VPS26C: variants seen among roughly 807,000 people sequenced by gnomAD.
VPS26C encodes the protein VPS26 endosomal protein sorting factor C.
Under a neutral mutation model 30.6 loss-of-function variants are expected in VPS26C, and 19 were observed. The ratio of observed to expected loss-of-function variants is 0.62; its 90% CI spans 0.43 to 0.91. The LOEUF is 0.91. VPS26C is among the 40% of genes least tolerant of loss of function. The pLI, the probability that VPS26C is intolerant of heterozygous loss-of-function variation, is 0.00. For synonymous variants in VPS26C, 132 were observed against 151.5 expected (o/e 0.87, Z 0.95); for missense variants, 318 against 385.1 (o/e 0.83, Z 1.46).
chr21:37,265,363 G>A (rs984640870), intron 1 of VPS26C, among the ~76,000 whole-genome samples: 1 of 152,184 alleles, frequency 6.6e-6, no homozygotes, highest in Non-Finnish European at 1.5e-5. Flanking sequence ...GCAATTGTTA[G>A]TATTTTGCCA....
rs1160487776 is a variant in VPS26C, at chr21:37,262,731, CTT to C, written c.57+4505_57+4506del. ...CAGGGAGTCAGGAAGAGTAAGGAGA[CTT>C]CACTTTTCATTTTACCTTCTTCTGT... On this transcript the variant is annotated intron_variant, in intron 1 of 7. Transcript: ENST00000309117. Among the ~76,000 whole-genome samples the C allele has an allele frequency of 2.0e-5, 3 of 151,612 alleles. No homozygotes were observed. In the East Asian group the frequency reaches 5.8e-4, roughly 29 times the overall value.
At chr21:37,238,988 C>A (rs1018943589) in intron 2 of VPS26C, among the ~76,000 whole-genome samples, 1 of 152,164 alleles carries the variant, frequency 6.6e-6, no homozygotes, top group African/African-American at 2.4e-5. Context: ...ACGGCTCCCC[C>A]TCACCGAGCC....
intron 1 of VPS26C, chr21:37,266,676 T>C (rs1445458901): frequency 6.5e-6 from 1 of 153,056 alleles, no homozygotes; most frequent in Non-Finnish European, 1.5e-5. Flanking sequence ...TGCATTTTAA[T>C]AGCCATTCCT....
At chr21:37,253,727 G>C (rs993704358) in intron 1 of VPS26C, among the ~76,000 whole-genome samples, 1 of 152,060 alleles carries the variant, frequency 6.6e-6, no homozygotes, top group Non-Finnish European at 1.5e-5. Flanking sequence ...CAATAGGATG[G>C]AGCATCCCTA....
intron 2 of VPS26C, 44 bp from the exon 3 acceptor site, chr21:37,238,653 A>G: frequency 6.2e-7 from 1 of 1,603,620 alleles, no homozygotes. Flanking sequence ...ACACTTGGAA[A>G]TGTCCTTTCC....
upstream of VPS26C, chr21:37,267,363 C>A (rs1284462064): frequency 5.6e-6 from 8 of 1,435,042 alleles, no homozygotes; most frequent in African/African-American, 5.8e-5. Flanking sequence ...GGCGCCTCCC[C>A]GCTTCGTTCT....
At position 37,232,154 on chromosome 21, in the gene VPS26C, G is replaced by A. The variant is rs2085971574; in HGVS notation, c.507+223C>T. Among the ~76,000 whole-genome samples the A allele has an allele frequency of 2.6e-5, 4 of 152,308 alleles. No homozygotes were observed. The South Asian group carries it at 8.3e-4, about 32-fold the overall frequency. On this transcript the variant is annotated intron_variant, in intron 5 of 7. Coordinates refer to ENST00000309117, the MANE Select transcript of VPS26C (RefSeq NM_006052.2). ...GAAAATGGTGAGATTAATAGACATG[G>A]ACCCTCCCTGAGGAACTTTTCAAAA...
At chr21:37,227,361 C>T (rs1170613486) in intron 7 of VPS26C, 1 of 379,738 alleles carries the variant, frequency 2.6e-6, no homozygotes, top group East Asian at 4.6e-5. Flanking sequence ...CTCAGCGTCA[C>T]CTGCCCATGT....
intron 1 of VPS26C, among the ~76,000 whole-genome samples, chr21:37,243,742 C>A (rs1192462764): frequency 6.6e-6 from 1 of 152,144 alleles, no homozygotes; most frequent in Non-Finnish European, 1.5e-5. Context: ...ACAGCCCGCA[C>A]CCTAGAGCTT....
Position 37,267,313 on chromosome 21 carries a change from G to T in VPS26C, c.-19C>A, listed in dbSNP as rs1230225573. The T allele has an allele frequency of 7.5e-6, 12 of 1,594,516 alleles. No individual in the cohort carries two copies. Among genetic ancestry groups the T allele is most frequent in the Non-Finnish European group, 1.0e-5 (12 of 1,167,662 alleles). ...TCCCCATCTCCAATTCTCCGCAGCA[G>T]CCGCCACTTCCGGCTGCGCGTGACC... On this transcript the variant is annotated 5_prime_UTR_variant, in exon 1 of 8. It adds an upstream start codon to the 5' untranslated region. Coordinates refer to ENST00000309117, the MANE Select transcript of VPS26C (RefSeq NM_006052.2).
chr21:37,228,511 G>T, intron 5 of VPS26C, 138 bp from the exon 6 acceptor site: 1 of 889,732 alleles, frequency 1.1e-6, no homozygotes, highest in Non-Finnish European at 1.7e-6. Context: ...AAAACGGGAA[G>T]AAAGGAGCGA....
intron 1 of VPS26C, among the ~76,000 whole-genome samples, chr21:37,249,675 A>C (rs1372927223): frequency 2.6e-5 from 4 of 152,230 alleles, no homozygotes; most frequent in African/African-American, 9.6e-5. Context: ...AAAGAAAATA[A>C]CACCACAATT....
chr21:37,255,046 C>G (rs1478787548), intron 1 of VPS26C, among the ~76,000 whole-genome samples: 1 of 152,076 alleles, frequency 6.6e-6, no homozygotes, highest in African/African-American at 2.4e-5. Context: ...AGAAGACATT[C>G]TTTTGTATTA....
intron 1 of VPS26C, among the ~76,000 whole-genome samples, chr21:37,245,765 A>G (rs1357014940): frequency 1.3e-5 from 2 of 152,302 alleles, no homozygotes; most frequent in Admixed American, 1.3e-4. Context: ...GTGAATGTGC[A>G]TTTCACCATG....
chr21:37,233,632 GT>G lies in VPS26C; in HGVS notation c.352-191del, dbSNP rs1344894297. 6.6e-6 allele frequency among the ~76,000 whole-genome samples: 1 copy of G among 152,178 alleles called. No individual in the cohort carries two copies. Among genetic ancestry groups the G allele is most frequent in the Non-Finnish European group, 1.5e-5 (1 of 68,034 alleles). On this transcript the variant is annotated intron_variant, in intron 3 of 7. Coordinates refer to ENST00000309117, the MANE Select transcript of VPS26C (RefSeq NM_006052.2). This position sits in a 1 kb window ranked among gnomAD's most constrained non-coding sequence, Gnocchi z 5.2. ...TAATGTTCAAAATAAAGGCATTTCT[GT>G]TTTAAAAATGAACCACTTTAAGGTT...
chr21:37,223,509 G>A lies in VPS26C; in HGVS notation c.*2035C>T, dbSNP rs1464372560. On this transcript the variant is annotated 3_prime_UTR_variant, in exon 8 of 8. Transcript: ENST00000309117. ...AAATTGTCATTAGCTTTTTAAATTC[G>A]TTAAATATTTTCATCTCATTAAAAA... is the stretch of plus-strand genomic sequence containing the variant. The A allele has an allele frequency of 2.0e-5, 3 of 152,152 alleles. No individual in the cohort carries two copies. Among genetic ancestry groups the A allele is most frequent in the East Asian group, 1.9e-4 (1 of 5,204 alleles). 9.4% of individuals were successfully genotyped at this position (152,152 alleles called of 1,614,324 possible). A position where few individuals can be genotyped will look rare whatever the true frequency, so the allele number is the denominator to read the frequency against.
intron 1 of VPS26C, among the ~76,000 whole-genome samples, chr21:37,244,388 C>A (rs768330523): frequency 1.1e-4 from 16 of 152,230 alleles, no homozygotes; most frequent in Non-Finnish European, 1.6e-4. Flanking sequence ...CAGGCATGCA[C>A]CACCACACCC....
intron 1 of VPS26C, among the ~76,000 whole-genome samples, chr21:37,242,109 T>C (rs1227329302): frequency 2.0e-5 from 3 of 152,218 alleles, no homozygotes; most frequent in African/African-American, 7.2e-5. Flanking sequence ...TAAAATGAGT[T>C]CTCCTTGAAT....
chr21:37,234,725 G>A (rs143450695), intron 3 of VPS26C, among the ~76,000 whole-genome samples: 200 of 152,168 alleles, frequency 1.3e-3, no homozygotes, highest in Non-Finnish European at 2.4e-3. Flanking sequence ...CAACCTGTCC[G>A]CATGAAATAA....
Sources: gnomAD v4.1 joint callset for allele counts (sites outside exome capture counted in the v4.1 genomes callset) on GRCh38, gnomAD v4.1.1 for gene constraint, Gnocchi (gnomAD v3.1) non-coding constraint, MANE v1.5 for transcripts, NCBI Gene and HGNC (gene_info 2026-07-23, HGNC 2026-07-21) for gene names.